Variants in DDX25 observed in about 807,000 individuals in gnomAD.
DDX25 encodes the protein DEAD-box helicase 25.
DDX25 carries 70 observed loss-of-function variants against 64.6 expected under a neutral mutation model. The observed-to-expected ratio is 1.08, with a 90% CI of 0.89 to 1.32. The LOEUF (loss-of-function observed/expected upper bound fraction) is 1.32, where lower values mean the gene tolerates loss of function less well. Among genes scored for constraint, DDX25 ranks in the 40% most tolerant of loss-of-function variants. The probability of loss-of-function intolerance (pLI) is 0.00; values close to 1 mark genes in which losing one functional copy is unlikely to be tolerated. For synonymous variants in DDX25, 211 were observed against 213.3 expected (o/e 0.99, Z 0.09); for missense variants, 587 against 604.4 (o/e 0.97, Z 0.30).
In DDX25 at chr11:125,921,443, C is replaced by T; in HGVS notation, c.1390+64C>T. ...GCCGGTCTGACAGTGATGATGTGTGCTGGAGAGCTGGAGTCCAGGGGCTCA... is the reference window on the plus strand; with the variant it reads ...GCCGGTCTGACAGTGATGATGTGTGTTGGAGAGCTGGAGTCCAGGGGCTCA... On this transcript the variant is annotated intron_variant, in intron 11 of 11. Transcript: ENST00000263576. This position sits in a 1 kb window ranked among gnomAD's most constrained non-coding sequence, Gnocchi z 4.1. The T allele has an allele frequency of 1.3e-6, 2 of 1,533,648 alleles. No individual in the cohort carries two copies. Among genetic ancestry groups the T allele is most frequent in the South Asian group, 2.5e-5 (2 of 79,862 alleles).
At position 125,927,366 on chromosome 11, in the gene DDX25, A is replaced by G. The variant is rs1195848973; in HGVS notation, c.*4485A>G. The G allele has an allele frequency of 1.3e-5, 2 of 152,220 alleles. No homozygotes were observed. 9.4% of individuals were successfully genotyped at this position (152,220 alleles called of 1,614,324 possible). ...AGAAACAGCCAGAGGCTCTGATATA[A>G]TAAAGATGAGCTCTGAAGAGGGGCT... On this transcript the variant is annotated 3_prime_UTR_variant, in exon 12 of 12. Transcript: ENST00000263576.
chr11:125,905,324 GTA>G, intron 2 of DDX25, 46 bp downstream of exon 2: 2 of 1,545,508 alleles, frequency 1.3e-6, no homozygotes, highest in Non-Finnish European at 1.8e-6. Flanking sequence ...TGATTAAAAA[GTA>G]TTGTTTTGCT....
At chr11:125,907,477 G>T (rs11220271) in intron 4 of DDX25, among the ~76,000 whole-genome samples, 2 of 151,456 alleles carry the variant, frequency 1.3e-5, no homozygotes, top group Non-Finnish European at 3.0e-5. Context: ...GTGTGGTGGC[G>T]GGCGCCTGTA....
chr11:125,905,726 T>A, intron 3 of DDX25, 129 bp downstream of exon 3: 1 of 936,586 alleles, frequency 1.1e-6, no homozygotes, highest in Non-Finnish European at 1.6e-6. Flanking sequence ...TTATAGTGAC[T>A]ATCAGGAGAC....
chr11:125,904,576 G>T lies in DDX25; in HGVS notation c.59G>T (p.Ser20Ile). ...GCGGCGGAGAGCGAGCGGCTGAACA[G>T]CCACGTAACCGCCACCGAGCCGGGG... The part of the protein sequence containing the change: ...AGAAESERLN[S>I]HFSNLSQPRK... The change falls in exon 1 of 12, where the codon AGC becomes ATC. Residue 20 changes from serine to isoleucine, a missense_variant. Physicochemically the swap from Ser to Ile is moderately radical, Grantham distance 142. Coordinates refer to ENST00000263576, the MANE Select transcript of DDX25 (RefSeq NM_013264.5). The T allele has an allele frequency of 6.7e-7, 1 of 1,490,174 alleles. No homozygotes were observed. The allele number at this position is 1,490,174 out of a possible 1,614,324, so 92.3% of individuals were successfully genotyped here.
intron 6 of DDX25, among the ~76,000 whole-genome samples, chr11:125,908,891 A>G (rs2134275663): frequency 6.6e-6 from 1 of 152,162 alleles, no homozygotes; most frequent in East Asian, 1.9e-4. Context: ...GAATAAAGTC[A>G]TCATGTGGAT....
At position 125,923,143 on chromosome 11, in the gene DDX25, T is replaced by C. The variant is rs1449207628; in HGVS notation, c.*262T>C. 7.3e-6 allele frequency: 3 copies of C among 413,260 alleles called. No homozygotes were observed. The highest frequency in any genetic ancestry group is 1.3e-5 in the Non-Finnish European group (3 of 229,346). 25.6% of individuals were successfully genotyped at this position (413,260 alleles called of 1,614,324 possible). On this transcript the variant is annotated 3_prime_UTR_variant, in exon 12 of 12. Transcript: ENST00000263576. ...ACAGGTAATGTCTCAATGTGGGCTA[T>C]GGGGGTGTTTTTGGATTTGGTTGAT...
rs567359215 is a variant in DDX25 at position 125,925,563 on chromosome 11, G to C, written c.*2682G>C. The C allele has an allele frequency of 6.6e-5, 28 of 424,360 alleles. No individual in the cohort carries two copies. The highest frequency in any genetic ancestry group is 4.4e-4 in the South Asian group (27 of 61,524). 26.3% of individuals were successfully genotyped at this position (424,360 alleles called of 1,614,324 possible). On this transcript the variant is annotated 3_prime_UTR_variant, in exon 12 of 12. Coordinates refer to ENST00000263576, the MANE Select transcript of DDX25 (RefSeq NM_013264.5). The stretch of plus-strand genomic sequence containing the variant: ...GAGGACAGAGTAGATAGAGAGGCAA[G>C]GAAACACCAGGTGATTTCAGTGCAA...
At chr11:125,909,895 G>T (rs1245880237) in intron 6 of DDX25, among the ~76,000 whole-genome samples, 1 of 152,010 alleles carries the variant, frequency 6.6e-6, no homozygotes, top group Non-Finnish European at 1.5e-5. Context: ...CAGGTGATCC[G>T]CCCACCTCAG....
Position 125,923,133 on chromosome 11 carries a change from A to T in DDX25, c.*252A>T. On this transcript the variant is annotated 3_prime_UTR_variant, in exon 12 of 12. Transcript: ENST00000263576. Reference sequence around the variant, plus strand: ...TAATCTTTGTACAGGTAATGTCTCAATGTGGGCTATGGGGGTGTTTTTGGA... The same window carrying T: ...TAATCTTTGTACAGGTAATGTCTCATTGTGGGCTATGGGGGTGTTTTTGGA... 2.2e-6 allele frequency: 1 copy of T among 445,484 alleles called. No individual in the cohort carries two copies. Among genetic ancestry groups the T allele is most frequent in the Non-Finnish European group, 4.0e-6 (1 of 248,004 alleles). The allele number at this position is 445,484 out of a possible 1,614,324, so 27.6% of individuals were successfully genotyped here.
At position 125,926,367 on chromosome 11, in the gene DDX25, G is replaced by A. The variant is rs974717314; in HGVS notation, c.*3486G>A. ...TCCACTACTTCTGGGGAATAATGAT[G>A]TATTATCCAAGACCCTCATATCATA... On this transcript the variant is annotated 3_prime_UTR_variant, in exon 12 of 12. Transcript: ENST00000263576. 2.0e-5 allele frequency: 3 copies of A among 152,168 alleles called. No individual in the cohort carries two copies. In the East Asian group the frequency reaches 5.8e-4, roughly 29 times the overall value. The allele number at this position is 152,168 out of a possible 1,614,324, so 9.4% of individuals were successfully genotyped here.
At chr11:125,915,882 C>T (rs1372102016) in intron 8 of DDX25, among the ~76,000 whole-genome samples, 12 of 152,206 alleles carry the variant, frequency 7.9e-5, no homozygotes, top group Non-Finnish European at 2.9e-5. Context: ...CCACCCCTTC[C>T]GTCTTCCAAA....
At chr11:125,904,652 G>T (rs938590890) in intron 1 of DDX25, 72 bp downstream of exon 1, 6 of 1,412,968 alleles carry the variant, frequency 4.2e-6, no homozygotes, top group Non-Finnish European at 5.6e-6. Flanking sequence ...GATCGGCTGG[G>T]AGGGGAGGGA....
In DDX25 at chr11:125,911,322, A is replaced by C. The variant is rs1469293568; in HGVS notation, c.634A>C (p.Thr212Pro). 6.2e-7 allele frequency: 1 copy of C among 1,611,666 alleles called. No individual in the cohort carries two copies. The part of the protein sequence containing the change: ...AIRGNRIPRG[T>P]DITKQIIIGT... ...CCTTTTCTCCCCAGTTCCCAGAGGC[A>C]CCGACATCACTAAACAGATTATAAT... Residue 212 changes from threonine to proline, a missense_variant, in exon 8 of 12, where the codon ACC becomes CCC. Physicochemically the swap from Thr to Pro is conservative, Grantham distance 38. Transcript: ENST00000263576.
Position 125,927,909 on chromosome 11 carries a change from T to A in DDX25, c.*5028T>A, listed in dbSNP as rs1945181853. On this transcript the variant is annotated 3_prime_UTR_variant, in exon 12 of 12. Transcript: ENST00000263576. ...TCCATTCTAAGATACCATGTTTCCA[T>A]GACCCTACACACAATAGCTACACAG... 1 of 152,208 alleles carries A rather than the reference T, an allele frequency of 6.6e-6. No homozygotes were observed. The highest frequency in any genetic ancestry group is 6.5e-5 in the Admixed American group (1 of 15,282). 9.4% of individuals were successfully genotyped at this position (152,208 alleles called of 1,614,324 possible).
At chr11:125,915,055 C>T (rs1031321544) in intron 8 of DDX25, among the ~76,000 whole-genome samples, 4 of 152,292 alleles carry the variant, frequency 2.6e-5, no homozygotes, top group South Asian at 2.1e-4. Context: ...GTGATCCACC[C>T]GCCTCAGGCT....
At chr11:125,909,496 C>G (rs1450646728) in intron 6 of DDX25, among the ~76,000 whole-genome samples, 1 of 151,986 alleles carries the variant, frequency 6.6e-6, no homozygotes, top group Non-Finnish European at 1.5e-5. Flanking sequence ...TCATCAGCAA[C>G]CACCATTTTT....
rs758462791 is a variant in DDX25, at chr11:125,925,406, C to T, written c.*2525C>T. The stretch of plus-strand genomic sequence containing the variant: ...ATCCTGTGTCACAGCTGCATTAACA[C>T]GAACTGGCTAGTTTGGTGAGTCAAC... On this transcript the variant is annotated 3_prime_UTR_variant, in exon 12 of 12. Transcript: ENST00000263576. The T allele has an allele frequency of 3.3e-5, 15 of 456,162 alleles. No individual in the cohort carries two copies. Among genetic ancestry groups the T allele is most frequent in the South Asian group, 1.4e-4 (9 of 64,564 alleles). 28.3% of individuals were successfully genotyped at this position (456,162 alleles called of 1,614,324 possible). A position where few individuals can be genotyped will look rare whatever the true frequency, so the allele number is the denominator to read the frequency against.
At chr11:125,914,968 A>G (rs1945017653) in intron 8 of DDX25, among the ~76,000 whole-genome samples, 1 of 152,168 alleles carries the variant, frequency 6.6e-6, no homozygotes, top group Non-Finnish European at 1.5e-5. Flanking sequence ...TTTATGACCA[A>G]AAAATGGTCA....
Sources: allele counts gnomAD v4.1 joint callset (sites outside exome capture counted in the v4.1 genomes callset), GRCh38; gene constraint gnomAD v4.1.1; non-coding constraint Gnocchi (gnomAD v3.1); transcripts MANE v1.5; gene names NCBI Gene and HGNC (gene_info 2026-07-23, HGNC 2026-07-21).